The following DTNA variants were observed in gnomAD, a reference collection of about 807,000 sequenced individuals.
DTNA encodes the protein dystrophin-related protein 3.
Under a neutral mutation model 100.7 loss-of-function variants are expected in DTNA, and 43 were observed. That is an observed-to-expected ratio of 0.43 (90% confidence interval 0.33 to 0.55). The LOEUF is 0.55. Ranked by LOEUF, DTNA falls within the 20% of genes least tolerant of loss-of-function variation. DTNA has a pLI of 0.04. For missense variants in DTNA, 798 were observed against 953.9 expected (o/e 0.84, Z 2.15); for synonymous variants, 349 against 347.9 (o/e 1.00, Z -0.04).
intron 1 of DTNA, among the ~76,000 whole-genome samples, chr18:34,666,780 C>T (rs1298453997): frequency 3.3e-5 from 5 of 151,934 alleles, no homozygotes; most frequent in South Asian, 2.1e-4. Flanking sequence ...CATTGGTCTA[C>T]ATCTCTGTTT....
intron 1 of DTNA, among the ~76,000 whole-genome samples, chr18:34,748,460 A>G (rs924540124): frequency 2.0e-5 from 3 of 152,146 alleles, no homozygotes; most frequent in Non-Finnish European, 4.4e-5. Context: ...TAAGTCTTTG[A>G]GCCATATTGA....
chr18:34,834,665 G>A (rs1193936322), intron 11 of DTNA, among the ~76,000 whole-genome samples: 2 of 152,106 alleles, frequency 1.3e-5, no homozygotes, highest in Admixed American at 6.5e-5. Flanking sequence ...GAGGAAGCAA[G>A]CCACAGACAA....
chr18:34,746,188 G>A (rs1203707115), intron 1 of DTNA, among the ~76,000 whole-genome samples: 1 of 150,534 alleles, frequency 6.6e-6, no homozygotes, highest in Non-Finnish European at 1.5e-5. Context: ...CTAATTTGGG[G>A]GGGGGACTTT....
rs993469049 is a variant in DTNA at position 34,848,280 on chromosome 18, G to C, written c.1347-16G>C. ...TCAGTTGCCTAACGGTCTCCTTCTT[G>C]CTTTGTTCTTAATAGCATGCTTGAG... On this transcript the variant is annotated splice_polypyrimidine_tract_variant and intron_variant, in intron 13 of 22. Transcript: ENST00000444659. 4 of 1,613,514 alleles carry C rather than the reference G, an allele frequency of 2.5e-6. No individual in the cohort carries two copies. The South Asian group carries it at 3.3e-5, about 13-fold the overall frequency.
chr18:34,783,769 GA>G (rs2094421667), intron 3 of DTNA, among the ~76,000 whole-genome samples: 1 of 152,120 alleles, frequency 6.6e-6, no homozygotes, highest in South Asian at 2.1e-4. Flanking sequence ...ATTGACCCTG[GA>G]AAAGCATACC....
At chr18:34,539,031 C>A (rs943009593) in intron 1 of DTNA, among the ~76,000 whole-genome samples, 21 of 151,684 alleles carry the variant, frequency 1.4e-4, no homozygotes, top group Admixed American at 1.3e-3. Context: ...ATACAAATGA[C>A]CAATAATGAA....
intron 1 of DTNA, among the ~76,000 whole-genome samples, chr18:34,609,957 A>G (rs994209952): frequency 6.6e-6 from 1 of 152,186 alleles, no homozygotes; most frequent in African/African-American, 2.4e-5. Context: ...GGACACTTTG[A>G]GACCAATTTT....
chr18:34,761,114 T>TCC (rs2093130951), intron 2 of DTNA, among the ~76,000 whole-genome samples: 1 of 150,570 alleles, frequency 6.6e-6, no homozygotes, highest in Non-Finnish European at 1.5e-5. Flanking sequence ...TCTCTCTCTC[T>TCC]CCCTCCATCC....
At chr18:34,646,866 C>T (rs1255276634) in intron 1 of DTNA, among the ~76,000 whole-genome samples, 1 of 152,052 alleles carries the variant, frequency 6.6e-6, no homozygotes, top group Non-Finnish European at 1.5e-5. Context: ...CAGGCATGCG[C>T]CACCATGCCC....
intron 3 of DTNA, among the ~76,000 whole-genome samples, chr18:34,774,507 T>A (rs562676582): frequency 3.9e-5 from 6 of 152,322 alleles, no homozygotes; most frequent in African/African-American, 1.4e-4. Context: ...TCATTGTTAT[T>A]AGCAATCACT....
chr18:34,568,921 C>T (rs2047329581), intron 1 of DTNA, among the ~76,000 whole-genome samples: 1 of 152,160 alleles, frequency 6.6e-6, no homozygotes, highest in African/African-American at 2.4e-5. Context: ...TGGCCCATTT[C>T]TCATTTATTA....
At position 34,537,218 on chromosome 18, in the gene DTNA, A is replaced by G. The variant is rs182849260; in HGVS notation, c.-2+43704A>G. 2.1e-3 allele frequency among the ~76,000 whole-genome samples: 319 copies of G among 152,112 alleles called. 3 individuals are homozygous for G. The highest frequency in any genetic ancestry group is 3.4e-3 in the Middle Eastern group (1 of 294). ...GGGCTTAGATAAATTTTTACATCCT[A>G]CTAAAGTTACTGTTAACTCAAAACA... On this transcript the variant is annotated intron_variant, in intron 1 of 19. Coordinates refer to the DTNA transcript ENST00000283365.
At chr18:34,763,015 A>G (rs1284179716) in intron 2 of DTNA, among the ~76,000 whole-genome samples, 1 of 152,194 alleles carries the variant, frequency 6.6e-6, no homozygotes, top group Non-Finnish European at 1.5e-5. Context: ...TGCCAGGGTT[A>G]CTGTGCTCAG....
At chr18:34,534,977 G>C (rs189579082) in intron 1 of DTNA, among the ~76,000 whole-genome samples, 1 of 152,220 alleles carries the variant, frequency 6.6e-6, no homozygotes, top group Admixed American at 6.5e-5. Context: ...CTTTATAGTA[G>C]AATGATTTAT....
chr18:34,513,251 T>C (rs2041267903), intron 1 of DTNA, among the ~76,000 whole-genome samples: 1 of 152,088 alleles, frequency 6.6e-6, no homozygotes, highest in Admixed American at 6.6e-5. Flanking sequence ...TAGAAATCTA[T>C]AACACAAGCA....
At chr18:34,601,185 C>T (rs1223138767) in intron 1 of DTNA, among the ~76,000 whole-genome samples, 1 of 152,182 alleles carries the variant, frequency 6.6e-6, no homozygotes, top group Non-Finnish European at 1.5e-5. Flanking sequence ...AGGGCTACCC[C>T]ATAGAGTGTC....
At chr18:34,819,026 T>G (rs921841349) in intron 8 of DTNA, among the ~76,000 whole-genome samples, 1 of 152,192 alleles carries the variant, frequency 6.6e-6, no homozygotes, top group South Asian at 2.1e-4. Flanking sequence ...TTATCTTCGT[T>G]AAACTCAAAG....
At chr18:34,691,253 C>T (rs962358205) in intron 1 of DTNA, among the ~76,000 whole-genome samples, 10 of 152,126 alleles carry the variant, frequency 6.6e-5, no homozygotes, top group African/African-American at 1.4e-4. Flanking sequence ...AAAACATGAC[C>T]GACTAAACTA....
At position 34,890,615 on chromosome 18, in the gene DTNA, G is replaced by T; in HGVS notation, c.*2881G>T. On this transcript the variant is annotated 3_prime_UTR_variant, in exon 23 of 23. Transcript: ENST00000444659. ...CCTCCTCCACAGCGCCATATTAATG[G>T]AGGAGGGGAGGAAGGTGAAATCTAC... 3.0e-6 allele frequency: 3 copies of T among 990,464 alleles called. No homozygotes were observed. The South Asian group carries it at 5.4e-5, about 18-fold the overall frequency. 61.4% of individuals were successfully genotyped at this position (990,464 alleles called of 1,614,324 possible).
Sources: allele counts gnomAD v4.1 joint callset (sites outside exome capture counted in the v4.1 genomes callset), GRCh38; gene constraint gnomAD v4.1.1; transcripts MANE v1.5; gene names NCBI Gene and HGNC (gene_info 2026-07-23, HGNC 2026-07-21).